Variants in MEIS1 observed in about 807,000 individuals in gnomAD.
MEIS1 encodes homeobox protein Meis1.
In MEIS1, 5 loss-of-function variants were observed where a neutral mutation model predicts 50.8. The ratio of observed to expected loss-of-function variants is 0.10; its 90% CI spans 0.05 to 0.21. The LOEUF (loss-of-function observed/expected upper bound fraction) is 0.21, where lower values mean the gene tolerates loss of function less well. Ranked by LOEUF, MEIS1 falls within the 10% of genes least tolerant of loss-of-function variation. The pLI is 1.00. For missense variants in MEIS1, 318 were observed against 517.3 expected (o/e 0.61, Z 3.74); for synonymous variants, 176 against 179.3 (o/e 0.98, Z 0.15).
At chr2:66,503,734 G>A (rs1434659051) in intron 7 of MEIS1, among the ~76,000 whole-genome samples, 1 of 141,470 alleles carries the variant, frequency 7.1e-6, no homozygotes, top group Non-Finnish European at 1.5e-5. Flanking sequence ...CATATATGGG[G>A]CATTTTTTTT....
At chr2:66,545,732 T>C (rs1674774505) in intron 8 of MEIS1, among the ~76,000 whole-genome samples, 1 of 152,186 alleles carries the variant, frequency 6.6e-6, no homozygotes. Flanking sequence ...TGGATTCCTT[T>C]GAGCTCAGTA....
chr2:66,487,227 A>T (rs1238073433), intron 7 of MEIS1, among the ~76,000 whole-genome samples: 2 of 152,158 alleles, frequency 1.3e-5, no homozygotes, highest in African/African-American at 4.8e-5. Flanking sequence ...ATTTTTTAGC[A>T]TTTCCGCAAT....
chr2:66,503,736 A>ATTT (rs70943702), intron 7 of MEIS1, among the ~76,000 whole-genome samples: 4 of 77,800 alleles, frequency 5.1e-5, no homozygotes, highest in African/African-American at 1.1e-4. Flanking sequence ...TATATGGGGC[A>ATTT]TTTTTTTTTT....
At chr2:66,508,890 T>C in intron 7 of MEIS1, 1 of 407,730 alleles carries the variant, frequency 2.5e-6, no homozygotes, top group Non-Finnish European at 5.0e-6. Context: ...TTTTTATGAT[T>C]ATTTCCACCT....
At chr2:66,565,196 A>T (rs1437993646) in intron 9 of MEIS1, among the ~76,000 whole-genome samples, 1 of 152,146 alleles carries the variant, frequency 6.6e-6, no homozygotes, top group Non-Finnish European at 1.5e-5. Context: ...TGAGTTGATT[A>T]TTATGAATTA....
At chr2:66,542,310 C>A (rs1674675283) in intron 8 of MEIS1, among the ~76,000 whole-genome samples, 2 of 151,626 alleles carry the variant, frequency 1.3e-5, no homozygotes, top group South Asian at 2.1e-4. Flanking sequence ...AAGGGAGTAT[C>A]TCCCCATCAC....
chr2:66,549,949 A>G (rs931734363), intron 9 of MEIS1, among the ~76,000 whole-genome samples: 4 of 152,130 alleles, frequency 2.6e-5, no homozygotes, highest in African/African-American at 9.7e-5. Flanking sequence ...ATATACACAC[A>G]GTTTTCTAAA....
rs747871060 is a variant in MEIS1, at chr2:66,439,919, G to T, written c.316G>T (p.Val106Leu). ...LATCTPREPG[V>L]AGGDVCSSES... ...TACTTGTACCCCCCGCGAGCCGGGG[G>T]TGGCGGGCGGGGACGTCTGCTCGTC... Residue 106 changes from valine to leucine, a missense_variant, in exon 3 of 13, where the codon GTG (valine) becomes TTG (leucine). By Grantham distance (32) the Val-to-Leu change is conservative. Coordinates refer to ENST00000272369, the MANE Select transcript of MEIS1 (RefSeq NM_002398.3). The T allele has an allele frequency of 1.9e-6, 3 of 1,613,790 alleles. No homozygotes were observed. The highest frequency in any genetic ancestry group is 2.5e-6 in the Non-Finnish European group (3 of 1,179,806).
rs1321255208 is a variant in MEIS1, at chr2:66,439,917, G to A, written c.314G>A (p.Gly105Glu). The change falls in exon 3 of 13, where the codon GGG becomes GAG. Residue 105 changes from glycine to glutamate, a missense_variant. This residue lies in a region of MEIS1 where 75 missense variants were observed against 153.7 expected (regional missense o/e 0.49). Transcript: ENST00000272369. Reference sequence around the variant, plus strand: ...GCTACTTGTACCCCCCGCGAGCCGGGGGTGGCGGGCGGGGACGTCTGCTCG... The same window carrying A: ...GCTACTTGTACCCCCCGCGAGCCGGAGGTGGCGGGCGGGGACGTCTGCTCG... ...ELATCTPREP[G>E]VAGGDVCSSE... 1 of 1,613,784 alleles carries A rather than the reference G, an allele frequency of 6.2e-7. No homozygotes were observed. The highest frequency in any genetic ancestry group is 8.5e-7 in the Non-Finnish European group (1 of 1,179,818).
chr2:66,562,224 AAACTAAACTTAGC>A (rs1675237807), intron 9 of MEIS1: 1 of 151,586 alleles, frequency 6.6e-6, no homozygotes, highest in African/African-American at 2.4e-5. Flanking sequence ...TCACAGAGGG[AAACTAAACTTAGC>A]AATTCAGTTT....
At chr2:66,562,108 A>G (rs1459649530) in intron 9 of MEIS1, 5 of 131,098 alleles carry the variant, frequency 3.8e-5, no homozygotes, top group Non-Finnish European at 7.7e-5. Context: ...ACAAGGGAGG[A>G]AAAGGGCAAA....
chr2:66,531,139 A>G (rs949450748), intron 8 of MEIS1, among the ~76,000 whole-genome samples: 1 of 152,212 alleles, frequency 6.6e-6, no homozygotes, highest in Non-Finnish European at 1.5e-5. Flanking sequence ...TATTTTTAGC[A>G]ATGGGAAGGA....
chr2:66,492,803 C>T (rs1042157845), intron 7 of MEIS1, among the ~76,000 whole-genome samples: 2 of 152,178 alleles, frequency 1.3e-5, no homozygotes, highest in African/African-American at 4.8e-5. Context: ...ATCAGTTGGA[C>T]AACTCTTTTT....
chr2:66,437,616 C>G, intron 1 of MEIS1, 121 bp from the exon 2 acceptor site: 2 of 802,744 alleles, frequency 2.5e-6, no homozygotes, highest in South Asian at 1.5e-5. Context: ...AGATGCAAGG[C>G]CACCGAATTC....
intron 8 of MEIS1, among the ~76,000 whole-genome samples, chr2:66,526,817 A>G (rs577662100): frequency 1.3e-5 from 2 of 152,334 alleles, no homozygotes; most frequent in African/African-American, 4.8e-5. Flanking sequence ...ACTGAAGTAC[A>G]TTTGTCGGTA....
chr2:66,442,163 G>A (rs1410244017), intron 5 of MEIS1, among the ~76,000 whole-genome samples: 1 of 150,970 alleles, frequency 6.6e-6, no homozygotes, highest in Non-Finnish European at 1.5e-5. Flanking sequence ...TAAATTGCAA[G>A]CACACTGGGG....
At chr2:66,452,054 A>G (rs903297949) in intron 6 of MEIS1, among the ~76,000 whole-genome samples, 3 of 151,966 alleles carry the variant, frequency 2.0e-5, no homozygotes, top group African/African-American at 7.2e-5. Flanking sequence ...AATAGGTAAG[A>G]TGCTATTTGC....
At chr2:66,533,905 A>T (rs1007532110) in intron 8 of MEIS1, among the ~76,000 whole-genome samples, 1 of 152,216 alleles carries the variant, frequency 6.6e-6, no homozygotes, top group African/African-American at 2.4e-5. Flanking sequence ...TTTAACAGTA[A>T]AAATAAATTT....
At chr2:66,510,616 A>G (rs1673804806) in intron 7 of MEIS1, among the ~76,000 whole-genome samples, 1 of 152,220 alleles carries the variant, frequency 6.6e-6, no homozygotes, top group Non-Finnish European at 1.5e-5. Flanking sequence ...TAATAATAGT[A>G]GAAATGTTGG....
Sources: gnomAD v4.1 joint callset for allele counts (sites outside exome capture counted in the v4.1 genomes callset) on GRCh38, gnomAD v4.1.1 for gene constraint, gnomAD v4.1.1 regional missense constraint, MANE v1.5 for transcripts, NCBI Gene and HGNC (gene_info 2026-07-23, HGNC 2026-07-21) for gene names.